Variants in CLEC12B observed in about 807,000 individuals in gnomAD.
CLEC12B encodes C-type lectin domain family 12 member B, also known as macrophage antigen h.
Under a neutral mutation model 36.1 loss-of-function variants are expected in CLEC12B, and 25 were observed. That is an observed-to-expected ratio of 0.69 (90% CI 0.50 to 0.97). The LOEUF (loss-of-function observed/expected upper bound fraction) is 0.97. Ranked by LOEUF, CLEC12B falls within the 50% of genes least tolerant of loss-of-function variation. The pLI is 0.00. For synonymous variants in CLEC12B, 110 were observed against 108.5 expected (o/e 1.01, Z -0.09); for missense variants, 325 against 318.4 (o/e 1.02, Z -0.16).
At position 10,018,761 on chromosome 12, in the gene CLEC12B, G is replaced by T. The variant is rs1175292115; in HGVS notation, c.*280G>T. On this transcript the variant is annotated 3_prime_UTR_variant, in exon 6 of 6. Coordinates refer to ENST00000338896, the MANE Select transcript of CLEC12B (RefSeq NM_001129998.3). ...CAGAATCATTTCACTGAATTTCTTTGCTTTCTCAAATAAAGACTCCTTTCT... is the reference window on the plus strand; with the variant it reads ...CAGAATCATTTCACTGAATTTCTTTTCTTTCTCAAATAAAGACTCCTTTCT... 8.5e-6 allele frequency: 3 copies of T among 354,568 alleles called. No homozygotes were observed. The highest frequency in any genetic ancestry group is 4.4e-5 in the South Asian group (1 of 22,632). The allele number at this position is 354,568 out of a possible 1,614,324, so 22.0% of individuals were successfully genotyped here.
chr12:10,006,972 A>G (rs181436077), upstream of CLEC12B, among the ~76,000 whole-genome samples: 4,237 of 151,994 alleles, frequency 0.028, 120 homozygotes, highest in African/African-American at 0.06. Flanking sequence ...GGGGAATGGC[A>G]TGAACCTGGG....
chr12:10,014,118 C>T (rs940641054), intron 2 of CLEC12B, among the ~76,000 whole-genome samples: 1 of 152,064 alleles, frequency 6.6e-6, no homozygotes, highest in African/African-American at 2.4e-5. Flanking sequence ...AAACAAGCAT[C>T]TCAGGTCATC....
At chr12:10,015,509 A>G in intron 4 of CLEC12B, 103 bp downstream of exon 4, 1 of 1,564,876 alleles carries the variant, frequency 6.4e-7, no homozygotes, top group Non-Finnish European at 8.7e-7. Context: ...TGCATCTTGA[A>G]TTAGAATTAA....
At chr12:10,017,203 T>C in intron 5 of CLEC12B, 1 of 985,196 alleles carries the variant, frequency 1.0e-6, no homozygotes, top group Non-Finnish European at 1.2e-6. Context: ...TCATATCAAG[T>C]CAATTAGTTT....
chr12:10,015,193 C>T (rs548849079), intron 3 of CLEC12B, 59 bp from the exon 4 acceptor site: 1 of 1,391,014 alleles, frequency 7.2e-7, no homozygotes, highest in East Asian at 2.3e-5. Flanking sequence ...TGTTTCAAAG[C>T]CTTCTCCAGT....
upstream of CLEC12B, among the ~76,000 whole-genome samples, chr12:10,007,700 A>C (rs539962516): frequency 7.9e-5 from 12 of 152,226 alleles, no homozygotes; most frequent in Non-Finnish European, 1.8e-4. Flanking sequence ...TCAAAAACGT[A>C]AGATAAAACC....
At chr12:10,014,451 T>A (rs1865423057) in intron 2 of CLEC12B, 72 bp from the exon 3 acceptor site, 1 of 1,085,058 alleles carries the variant, frequency 9.2e-7, no homozygotes, top group African/African-American at 1.6e-5. Flanking sequence ...AAGAAATGTT[T>A]CTGTCACGAG....
At chr12:10,017,407 T>A in intron 5 of CLEC12B, 1 of 985,420 alleles carries the variant, frequency 1.0e-6, no homozygotes, top group Non-Finnish European at 1.2e-6. Context: ...GTTTTCATGT[T>A]GGAATCTAAG....
chr12:10,009,467 A>C (rs1440925179), upstream of CLEC12B, among the ~76,000 whole-genome samples: 1 of 152,020 alleles, frequency 6.6e-6, no homozygotes, highest in Non-Finnish European at 1.5e-5. Flanking sequence ...ACATAAGCAT[A>C]GATTTATTAT....
rs561520318 is a variant in CLEC12B at position 10,015,981 on chromosome 12, A to G, written c.680+254A>G. ...CACACACACACCTAATACTACATTC[A>G]AAGTATTTTATAAATACTAACCCTT... On this transcript the variant is annotated intron_variant, in intron 5 of 5. Transcript: ENST00000338896. 189 of 1,192,446 alleles carry G rather than the reference A, an allele frequency of 1.6e-4. 1 individual carries two copies. Among genetic ancestry groups the G allele is most frequent in the Non-Finnish European group, 1.9e-4 (185 of 957,568 alleles). 73.9% of individuals were successfully genotyped at this position (1,192,446 alleles called of 1,614,324 possible).
chr12:10,017,810 A>G, intron 5 of CLEC12B: 1 of 927,126 alleles, frequency 1.1e-6, no homozygotes, highest in Non-Finnish European at 1.3e-6. Context: ...GGAAATGAAT[A>G]CTATTGTCAG....
chr12:10,012,817 G>A lies in CLEC12B; in HGVS notation c.124G>A (p.Ala42Thr). The A allele has an allele frequency of 6.2e-7, 1 of 1,613,738 alleles. No homozygotes were observed. The highest frequency in any genetic ancestry group is 8.5e-7 in the Non-Finnish European group (1 of 1,179,856). The change falls in exon 2 of 6, where the codon GCT becomes ACT. Residue 42 changes from alanine (A) to threonine (T), a missense_variant. Coordinates refer to ENST00000338896, the MANE Select transcript of CLEC12B (RefSeq NM_001129998.3). ...AGCTCCATCTCCCATTTGGCGTCAT[G>A]CTGCTCTGGGTCTGGTAACTCTTTG... is the stretch of plus-strand genomic sequence containing the variant. ...HPAPSPIWRH[A>T]ALGLVTLCLM...
intron 5 of CLEC12B, chr12:10,017,519 T>TACAG: frequency 1.0e-6 from 1 of 985,434 alleles, no homozygotes; most frequent in Non-Finnish European, 1.2e-6. Context: ...GTTTGGAACC[T>TACAG]ACAGACCCTG....
chr12:10,011,967 G>A (rs1282045346), intron 1 of CLEC12B, among the ~76,000 whole-genome samples: 2 of 152,174 alleles, frequency 1.3e-5, no homozygotes, highest in African/African-American at 4.8e-5. Flanking sequence ...TGCGCTAGAT[G>A]TTATTTGGAC....
intron 1 of CLEC12B, 31 bp from the exon 2 acceptor site, chr12:10,012,754 G>C (rs1439416049): frequency 1.3e-6 from 2 of 1,529,446 alleles, no homozygotes. Flanking sequence ...AAGCAGTTCT[G>C]TGTGCTGATT....
At chr12:10,015,984 G>T in intron 5 of CLEC12B, 1 of 1,178,162 alleles carries the variant, frequency 8.5e-7, no homozygotes, top group Non-Finnish European at 1.1e-6. Context: ...TACATTCAAA[G>T]TATTTTATAA....
Position 10,015,316 on chromosome 12 carries a change from A to G in CLEC12B, c.474A>G (p.Thr158=). Reference sequence around the variant, plus strand: ...ACCAAAATAGTTGCTACTATTTTACAACAAATGAGGAGAAAACCTGGGCTA... The same window carrying G: ...ACCAAAATAGTTGCTACTATTTTACGACAAATGAGGAGAAAACCTGGGCTA... ...QWYQNSCYYF[T]TNEEKTWANS... is the part of the protein sequence containing the mutation. The change falls in exon 4 of 6, where the codon ACA becomes ACG. Residue 158 remains threonine, a synonymous_variant. Coordinates refer to ENST00000338896, the MANE Select transcript of CLEC12B (RefSeq NM_001129998.3). 6.2e-7 allele frequency: 1 copy of G among 1,613,544 alleles called. No individual in the cohort carries two copies. The highest frequency in any genetic ancestry group is 8.5e-7 in the Non-Finnish European group (1 of 1,179,570).
At chr12:10,010,238 G>A (rs922259357), upstream of CLEC12B, among the ~76,000 whole-genome samples, 34 of 115,788 alleles carry the variant, frequency 2.9e-4, no homozygotes, top group Non-Finnish European at 5.8e-4. Flanking sequence ...ACACACACAC[G>A]CTTGAATTTT....
chr12:10,008,800 G>A (rs1027041329), upstream of CLEC12B, among the ~76,000 whole-genome samples: 7 of 152,188 alleles, frequency 4.6e-5, no homozygotes, highest in African/African-American at 1.7e-4. Context: ...TGGATAGTGA[G>A]AAGTTAATAC....
Sources: allele counts gnomAD v4.1 joint callset (sites outside exome capture counted in the v4.1 genomes callset), GRCh38; gene constraint gnomAD v4.1.1; transcripts MANE v1.5; gene names NCBI Gene and HGNC (gene_info 2026-07-23, HGNC 2026-07-21).